Variants in TFEC observed in about 807,000 individuals in gnomAD.
TFEC encodes transcription factor EC.
In TFEC, 31 loss-of-function variants were observed where a neutral mutation model predicts 41.6. The ratio of observed to expected loss-of-function variants is 0.74; its 90% CI spans 0.56 to 1.01. The LOEUF (loss-of-function observed/expected upper bound fraction) is 1.01, where lower values mean the gene tolerates loss of function less well. Ranked by LOEUF, TFEC falls within the 50% of genes least tolerant of loss-of-function variation. The pLI is 0.00. For synonymous variants in TFEC, 143 were observed against 140.6 expected, an observed-to-expected ratio of 1.02 and a Z score of -0.12; for missense variants, 402 against 404.1, an observed-to-expected ratio of 0.99 and a Z score of 0.04.
chr7:116,073,532 A>G (rs535608235), intron 3 of TFEC, among the ~76,000 whole-genome samples: 1 of 151,916 alleles, frequency 6.6e-6, no homozygotes, highest in Non-Finnish European at 1.5e-5. Context: ...TAGCACGTGT[A>G]TACTCTGTTG....
chr7:116,039,453 G>C (rs994100178), intron 3 of TFEC, among the ~76,000 whole-genome samples: 1 of 127,826 alleles, frequency 7.8e-6, no homozygotes, highest in East Asian at 2.7e-4. Flanking sequence ...GTGTGTGTCT[G>C]TGTGTGTGTG....
At position 115,935,298 on chromosome 7, in the gene TFEC, A is replaced by C. The variant is rs1793175428; in HGVS notation, c.*5253T>G. ...TAAGACACATTACTTTGTTATTAAA[A>C]ATGAAAAATAGCAATAATTACAAAT... On this transcript the variant is annotated 3_prime_UTR_variant, in exon 8 of 8. Transcript: ENST00000265440. 1 of 152,152 alleles carries C rather than the reference A, an allele frequency of 6.6e-6. No homozygotes were observed. The highest frequency in any genetic ancestry group is 1.5e-5 in the Non-Finnish European group (1 of 67,692). The allele number at this position is 152,152 out of a possible 1,614,324, so 9.4% of individuals were successfully genotyped here. A position where few individuals can be genotyped will look rare whatever the true frequency, so the allele number is the denominator to read the frequency against.
intron 1 of TFEC, among the ~76,000 whole-genome samples, chr7:115,988,375 G>GA (rs1174772536): frequency 2.7e-5 from 4 of 150,588 alleles, no homozygotes; most frequent in African/African-American, 9.7e-5. Flanking sequence ...GAAATTCCAA[G>GA]AAAAAAAACA....
At chr7:116,087,805 G>T (rs1797235355) in intron 3 of TFEC, among the ~76,000 whole-genome samples, 2 of 151,988 alleles carry the variant, frequency 1.3e-5, no homozygotes, top group East Asian at 1.9e-4. Flanking sequence ...CAGCAACAGG[G>T]ATCTCAAACC....
At chr7:116,026,033 C>T (rs1422853453) in intron 1 of TFEC, among the ~76,000 whole-genome samples, 1 of 152,168 alleles carries the variant, frequency 6.6e-6, no homozygotes, top group Admixed American at 6.5e-5. Context: ...AGCTGGAGAA[C>T]ATAAAACTAA....
At chr7:116,129,674 C>T (rs1798291186) in intron 1 of TFEC, among the ~76,000 whole-genome samples, 1 of 147,774 alleles carries the variant, frequency 6.8e-6, no homozygotes. Flanking sequence ...CTCACTGCAA[C>T]CTCTGCCTCC....
In TFEC at chr7:116,094,960, T is replaced by C. The variant is rs148141407; in HGVS notation, c.198+15748A>G. Among the ~76,000 whole-genome samples the C allele has an allele frequency of 6.0e-4, 92 of 152,298 alleles. 1 individual carries two copies. Among genetic ancestry groups the C allele is most frequent in the African/African-American group, 2.0e-3 (85 of 41,580 alleles). ...ACAATCACTGATTTTATATAACACA[T>C]TGTGCTTTAAATATATATGCCTGGG... On this transcript the variant is annotated intron_variant, in intron 3 of 8. Transcript: ENST00000484212.
At chr7:116,145,827 G>A (rs530492763) in intron 1 of TFEC, among the ~76,000 whole-genome samples, 1 of 152,136 alleles carries the variant, frequency 6.6e-6, no homozygotes, top group Non-Finnish European at 1.5e-5. Flanking sequence ...TTCTCAGACT[G>A]CTTATAAGTT....
At chr7:116,089,827 C>T (rs908445673) in intron 3 of TFEC, among the ~76,000 whole-genome samples, 2 of 152,010 alleles carry the variant, frequency 1.3e-5, no homozygotes, top group Non-Finnish European at 2.9e-5. Context: ...TGAATAAAAA[C>T]GTATGGAAAT....
intron 3 of TFEC, among the ~76,000 whole-genome samples, chr7:115,958,267 T>C (rs1030919086): frequency 6.6e-6 from 1 of 151,886 alleles, no homozygotes; most frequent in African/African-American, 2.4e-5. Flanking sequence ...AATACAATTA[T>C]TCTTTGGAAG....
At chr7:116,046,472 C>A (rs1419190369) in intron 3 of TFEC, among the ~76,000 whole-genome samples, 1 of 152,088 alleles carries the variant, frequency 6.6e-6, no homozygotes, top group Admixed American at 6.5e-5. Flanking sequence ...CCCCTCTTGC[C>A]ATGATTCGAA....
At chr7:116,110,773 C>G in exon 3 of TFEC, 1 of 1,546,148 alleles carries the variant, frequency 6.5e-7, no homozygotes, top group Non-Finnish European at 8.7e-7. Flanking sequence ...CTATGCAACA[C>G]TGGTTTGTAT....
intron 1 of TFEC, among the ~76,000 whole-genome samples, chr7:116,015,930 G>T (rs1795171738): frequency 1.3e-5 from 2 of 152,286 alleles, no homozygotes; most frequent in South Asian, 2.1e-4. Context: ...AAACGTGGTG[G>T]CCAGTTTAGA....
chr7:115,970,698 T>C (rs956064335), intron 3 of TFEC, among the ~76,000 whole-genome samples: 1 of 151,946 alleles, frequency 6.6e-6, no homozygotes, highest in Admixed American at 6.6e-5. Context: ...CTTTAGATAA[T>C]GAACTAGGAC....
chr7:116,057,063 GA>G (rs1484311560), intron 3 of TFEC, among the ~76,000 whole-genome samples: 2 of 151,848 alleles, frequency 1.3e-5, no homozygotes, highest in East Asian at 1.9e-4. Flanking sequence ...CACTACTGCA[GA>G]AAAAAACTAG....
intron 3 of TFEC, among the ~76,000 whole-genome samples, chr7:116,044,725 T>C (rs1324947470): frequency 1.3e-5 from 2 of 152,264 alleles, no homozygotes; most frequent in Non-Finnish European, 2.9e-5. Context: ...TGCCTACACC[T>C]GCTGACTGCA....
chr7:116,127,159 G>A (rs1208304482), intron 1 of TFEC, among the ~76,000 whole-genome samples: 3 of 151,382 alleles, frequency 2.0e-5, no homozygotes, highest in Admixed American at 6.6e-5. Flanking sequence ...GCAGTGGCGC[G>A]ATCTCGGTTC....
intron 3 of TFEC, among the ~76,000 whole-genome samples, chr7:116,050,396 A>G (rs1210121963): frequency 2.0e-5 from 3 of 152,240 alleles, no homozygotes; most frequent in African/African-American, 7.2e-5. Flanking sequence ...AAATCTATCC[A>G]TCTGAAAAAG....
chr7:116,044,163 A>T (rs1033071204), intron 3 of TFEC, among the ~76,000 whole-genome samples: 5 of 152,210 alleles, frequency 3.3e-5, no homozygotes, highest in African/African-American at 1.2e-4. Context: ...CTGAATATTA[A>T]ATATAAAAGT....
Sources: gnomAD v4.1 joint callset for allele counts (sites outside exome capture counted in the v4.1 genomes callset) on GRCh38, gnomAD v4.1.1 for gene constraint, MANE v1.5 for transcripts, NCBI Gene and HGNC (gene_info 2026-07-23, HGNC 2026-07-21) for gene names.